NSD1: variants seen among roughly 807,000 people sequenced by gnomAD.
NSD1 encodes the protein histone-lysine N-methyltransferase, H3 lysine-36 specific.
In NSD1, 26 loss-of-function variants were observed where a neutral mutation model predicts 242.7. That is an observed-to-expected ratio of 0.11 (90% CI 0.08 to 0.15). NSD1 has a LOEUF of 0.15. Ranked by LOEUF, NSD1 falls within the 10% of genes least tolerant of loss-of-function variation. NSD1 has a pLI of 1.00. For synonymous variants in NSD1, 1,106 were observed against 1,178.1 expected (o/e 0.94, Z 1.25); for missense variants, 2,495 against 3,272.8 (o/e 0.76, Z 5.80).
At chr5:177,208,498 T>G (rs1250032970) in intron 4 of NSD1, among the ~76,000 whole-genome samples, 2 of 151,774 alleles carry the variant, frequency 1.3e-5, no homozygotes, top group Non-Finnish European at 2.9e-5. Flanking sequence ...TTTTTCTTTT[T>G]TTTTTCTTGG....
At chr5:177,146,832 C>T (rs945419143) in intron 2 of NSD1, among the ~76,000 whole-genome samples, 2 of 151,322 alleles carry the variant, frequency 1.3e-5, no homozygotes, top group African/African-American at 4.9e-5. Flanking sequence ...GGTGAAACCC[C>T]GTGTCTACTA....
chr5:177,201,680 T>G (rs1762517863), intron 3 of NSD1, among the ~76,000 whole-genome samples: 1 of 151,310 alleles, frequency 6.6e-6, no homozygotes, highest in Admixed American at 6.6e-5. Context: ...TGCCTCAGCC[T>G]CTCAAGTAGC....
rs567756539 is a variant in NSD1 at position 177,143,478 on chromosome 5, C to A, written c.927+7448C>A. Among the ~76,000 whole-genome samples the A allele has an allele frequency of 4.6e-5, 7 of 151,966 alleles. No homozygotes were observed. In the East Asian group the frequency reaches 1.4e-3, roughly 29 times the overall value. ...CTGGGATTACAGGTGCATGCCACCACGCCTGGCTAATTTTTGTATTTTTAG... is the reference window on the plus strand; with the variant it reads ...CTGGGATTACAGGTGCATGCCACCAAGCCTGGCTAATTTTTGTATTTTTAG... On this transcript the variant is annotated intron_variant, in intron 2 of 22. Transcript: ENST00000439151.
intron 7 of NSD1, among the ~76,000 whole-genome samples, chr5:177,239,195 G>T (rs977278261): frequency 3.3e-5 from 5 of 152,228 alleles, no homozygotes; most frequent in Admixed American, 2.6e-4. Context: ...TTAAAGAAAC[G>T]ATTCCAATTG....
chr5:177,251,704 G>C, intron 11 of NSD1, 26 bp from the exon 12 acceptor site: 1 of 1,613,120 alleles, frequency 6.2e-7, no homozygotes, highest in African/African-American at 1.3e-5. Context: ...TGGAAAAACA[G>C]ATAGATGTTT....
At chr5:177,161,444 T>C (rs1413231564) in intron 2 of NSD1, among the ~76,000 whole-genome samples, 1 of 151,652 alleles carries the variant, frequency 6.6e-6, no homozygotes, top group African/African-American at 2.4e-5. Context: ...ATTGGAGGGG[T>C]AGGCAAGGTG....
intron 2 of NSD1, among the ~76,000 whole-genome samples, chr5:177,168,535 C>G (rs1340743881): frequency 6.6e-6 from 1 of 151,250 alleles, no homozygotes. Flanking sequence ...TCTTGGCTCA[C>G]TGCAGCCTCT....
chr5:177,195,880 G>A (rs539607765), intron 3 of NSD1, among the ~76,000 whole-genome samples: 12 of 151,888 alleles, frequency 7.9e-5, no homozygotes, highest in African/African-American at 2.7e-4. Flanking sequence ...TTCATTATTG[G>A]GCCATACATC....
chr5:177,164,289 T>A (rs1487163799), intron 2 of NSD1, among the ~76,000 whole-genome samples: 1 of 151,934 alleles, frequency 6.6e-6, no homozygotes, highest in Non-Finnish European at 1.5e-5. Context: ...CCTGAGTAGC[T>A]GGGATTACAG....
At position 177,279,609 on chromosome 5, in the gene NSD1, A is replaced by AT. The variant is rs1457964040; in HGVS notation, c.5623-956_5623-955insT. ...GTTCACCTGGCTTATCAGCTTTGAA[A>AT]ATTTTTTTTTTTTTTTTTTTTTTTT... On this transcript the variant is annotated intron_variant, in intron 17 of 22. Coordinates refer to ENST00000439151, the MANE Select transcript of NSD1 (RefSeq NM_022455.5). Among the ~76,000 whole-genome samples, 266 of 107,828 alleles carry AT rather than the reference A, an allele frequency of 2.5e-3. 2 individuals are homozygous for AT. The highest frequency in any genetic ancestry group is 9.4e-3 in the Middle Eastern group (2 of 212). 70.7% of individuals were successfully genotyped at this position (107,828 alleles called of 152,430 possible).
chr5:177,136,392 A>G (rs2149757648), intron 2 of NSD1: 1 of 201,396 alleles, frequency 5.0e-6, no homozygotes, highest in South Asian at 9.7e-5. Flanking sequence ...GAACCAATTT[A>G]GTACTTGGAG....
chr5:177,267,784 A>G, intron 15 of NSD1, 66 bp downstream of exon 15: 2 of 1,454,952 alleles, frequency 1.4e-6, no homozygotes, highest in Non-Finnish European at 1.9e-6. Flanking sequence ...CTCAGATACA[A>G]TGCTTAACGT....
intron 2 of NSD1, among the ~76,000 whole-genome samples, chr5:177,136,589 A>G (rs1756351598): frequency 6.6e-6 from 1 of 151,554 alleles, no homozygotes; most frequent in Non-Finnish European, 1.5e-5. Context: ...TGCTTTTGAT[A>G]ACTGCCACCA....
chr5:177,275,023 C>T (rs1006504960), intron 17 of NSD1, among the ~76,000 whole-genome samples: 13 of 151,604 alleles, frequency 8.6e-5, no homozygotes, highest in Admixed American at 8.6e-4. Flanking sequence ...CATGAGCCAC[C>T]ACGCCCGGCT....
intron 2 of NSD1, among the ~76,000 whole-genome samples, chr5:177,175,962 G>C (rs1760161705): frequency 6.7e-6 from 1 of 148,752 alleles, no homozygotes; most frequent in African/African-American, 2.5e-5. Context: ...TGCAACCTCT[G>C]CCTCCTGGGT....
Position 177,135,255 on chromosome 5 carries a change from C to T in NSD1, c.152C>T (p.Ser51Leu), listed in dbSNP as rs1756215957. The change falls in exon 2 of 23, where the codon TCG (serine) becomes TTG (leucine). Residue 51 changes from serine to leucine, a missense_variant. By Grantham distance (145) the Ser-to-Leu change is moderately radical. This residue lies in a region of NSD1 where 376 missense variants were observed against 367.4 expected (regional missense o/e 1.02). Coordinates refer to ENST00000439151, the MANE Select transcript of NSD1 (RefSeq NM_022455.5). ...CTTAATGGGTGTACTATGCAGTTATCGACTGTCAGTGGAACATCCCAAAAT... is the reference window on the plus strand; with the variant it reads ...CTTAATGGGTGTACTATGCAGTTATTGACTGTCAGTGGAACATCCCAAAAT... ...EPLNGCTMQL[S>L]TVSGTSQNAY... 1 of 1,613,690 alleles carries T rather than the reference C, an allele frequency of 6.2e-7. No individual in the cohort carries two copies. The highest frequency in any genetic ancestry group is 8.5e-7 in the Non-Finnish European group (1 of 1,179,630).
intron 2 of NSD1, among the ~76,000 whole-genome samples, chr5:177,177,075 TG>T (rs1306282446): frequency 6.6e-6 from 1 of 152,218 alleles, no homozygotes; most frequent in Non-Finnish European, 1.5e-5. Flanking sequence ...TGCACTGTTT[TG>T]TTTTGTTTTT....
At chr5:177,155,235 C>T (rs1758032179) in intron 2 of NSD1, among the ~76,000 whole-genome samples, 1 of 151,668 alleles carries the variant, frequency 6.6e-6, no homozygotes, top group East Asian at 1.9e-4. Context: ...GGGATCCGCC[C>T]ACCTTGGCCT....
intron 3 of NSD1, among the ~76,000 whole-genome samples, chr5:177,200,612 T>C (rs2149832365): frequency 6.6e-6 from 1 of 152,320 alleles, no homozygotes; most frequent in African/African-American, 2.4e-5. Flanking sequence ...TTTTTCCTTA[T>C]AAATTTGACT....
Sources: gnomAD v4.1 joint callset for allele counts (sites outside exome capture counted in the v4.1 genomes callset) on GRCh38, gnomAD v4.1.1 for gene constraint, gnomAD v4.1.1 regional missense constraint, MANE v1.5 for transcripts, NCBI Gene and HGNC (gene_info 2026-07-23, HGNC 2026-07-21) for gene names.